The following FHIT variants were observed in gnomAD, a reference collection of about 807,000 sequenced individuals.
FHIT encodes fragile histidine triad diadenosine triphosphatase, also known as bis(5'-adenosyl)-triphosphatase.
FHIT carries 19 observed loss-of-function variants against 17.9 expected under a neutral mutation model. The ratio of observed to expected loss-of-function variants is 1.06; its 90% confidence interval spans 0.74 to 1.56. FHIT has a LOEUF of 1.56. Ranked by LOEUF, FHIT falls within the 40% of genes most tolerant of loss-of-function variation. The pLI, the probability that FHIT is intolerant of heterozygous loss-of-function variation, is 0.00. For synonymous variants in FHIT, 81 were observed against 69.7 expected, an observed-to-expected ratio of 1.16 and a Z score of -0.81; for missense variants, 248 against 189.2, an observed-to-expected ratio of 1.31 and a Z score of -1.82.
intron 5 of FHIT, among the ~76,000 whole-genome samples, chr3:60,029,899 G>GTGTGTGTGTC (rs760392249): frequency 0.36 from 44,547 of 122,118 alleles, 8,245 homozygotes; most frequent in Non-Finnish European, 0.5. Context: ...GTGTGTGTCT[G>GTGTGTGTGTC]TGTGTGTGTG....
At chr3:60,229,485 A>T (rs1704386538) in intron 5 of FHIT, among the ~76,000 whole-genome samples, 2 of 151,980 alleles carry the variant, frequency 1.3e-5, no homozygotes, top group Admixed American at 1.3e-4. Context: ...GCCATTACCC[A>T]AGATGGGAGA....
At position 60,662,078 on chromosome 3, in the gene FHIT, T is replaced by C. The variant is rs572472148; in HGVS notation, c.-17-125099A>G. On this transcript the variant is annotated intron_variant, in intron 4 of 9. Transcript: ENST00000492590. Reference sequence around the variant, plus strand: ...ATTAAGTCCCATCTATTTATCTTTGTTTTTGCTTTTCGTTTCGTAGTCATG... The same window carrying C: ...ATTAAGTCCCATCTATTTATCTTTGCTTTTGCTTTTCGTTTCGTAGTCATG... 2.6e-5 allele frequency among the ~76,000 whole-genome samples: 4 copies of C among 152,148 alleles called. No homozygotes were observed. The South Asian group carries it at 6.2e-4, about 24-fold the overall frequency.
intron 5 of FHIT, among the ~76,000 whole-genome samples, chr3:60,405,392 T>C (rs904580070): frequency 6.6e-6 from 1 of 152,184 alleles, no homozygotes; most frequent in Non-Finnish European, 1.5e-5. Flanking sequence ...CCCAGATACA[T>C]GGGGGACTTT....
intron 8 of FHIT, among the ~76,000 whole-genome samples, chr3:59,858,296 G>A (rs112166883): frequency 0.062 from 8,178 of 131,692 alleles, 308 homozygotes; most frequent in Non-Finnish European, 0.081. Context: ...GAGCGATCTC[G>A]GCTCACTCCA....
intron 5 of FHIT, among the ~76,000 whole-genome samples, chr3:60,373,585 T>A (rs2736823): frequency 0.59 from 89,091 of 151,736 alleles, 26,425 homozygotes; most frequent in East Asian, 0.68. Context: ...TCAGGTTGAG[T>A]GTATAAGCCG....
At chr3:59,845,173 G>GT (rs199877968) in intron 8 of FHIT, among the ~76,000 whole-genome samples, 9 of 151,360 alleles carry the variant, frequency 5.9e-5, no homozygotes, top group African/African-American at 1.7e-4. Flanking sequence ...TAGACTTCTG[G>GT]TTTTTTTTCT....
intron 8 of FHIT, among the ~76,000 whole-genome samples, chr3:59,908,850 T>TTTTTTTTTTTTTTTTTTTTTGAG (rs1553712872): frequency 4.0e-5 from 6 of 150,202 alleles, no homozygotes; most frequent in African/African-American, 7.3e-5. Flanking sequence ...TTTCATTTTT[T>TTTTTTTTTTTTTTTTTTTTTGAG]AATAGTCCAA....
At chr3:59,820,621 T>G (rs1376198932) in intron 8 of FHIT, among the ~76,000 whole-genome samples, 1 of 152,242 alleles carries the variant, frequency 6.6e-6, no homozygotes, top group Non-Finnish European at 1.5e-5. Context: ...GCTGCTTTAG[T>G]GCTAAAGTGG....
rs372596933 is a variant in FHIT at position 60,146,230 on chromosome 3, A to G, written c.104-132078T>C. On this transcript the variant is annotated intron_variant, in intron 5 of 9. Transcript: ENST00000492590. ...GGTCTAGGCAGTGAGGCTGGTAAACATTTAACAATATACTCATTTAAAAAA... is the reference window on the plus strand; with the variant it reads ...GGTCTAGGCAGTGAGGCTGGTAAACGTTTAACAATATACTCATTTAAAAAA... Among the ~76,000 whole-genome samples, 27 of 125,600 alleles carry G rather than the reference A, an allele frequency of 2.1e-4. No homozygotes were observed. In the South Asian group the frequency reaches 6.4e-3, roughly 30 times the overall value. The allele number at this position is 125,600 out of a possible 152,430, so 82.4% of individuals were successfully genotyped here.
chr3:60,143,887 T>A (rs989080458), intron 5 of FHIT, among the ~76,000 whole-genome samples: 1 of 152,086 alleles, frequency 6.6e-6, no homozygotes, highest in Non-Finnish European at 1.5e-5. Flanking sequence ...GGCCTCCAAA[T>A]ACAGGCCATA....
At chr3:60,755,208 A>T (rs887399056) in intron 4 of FHIT, among the ~76,000 whole-genome samples, 3 of 152,200 alleles carry the variant, frequency 2.0e-5, no homozygotes, top group Non-Finnish European at 2.9e-5. Flanking sequence ...AGTGTTTTCC[A>T]GCAGTCAGGA....
At chr3:61,161,097 T>C (rs571624427) in intron 2 of FHIT, among the ~76,000 whole-genome samples, 4 of 151,738 alleles carry the variant, frequency 2.6e-5, no homozygotes, top group Admixed American at 2.6e-4. Flanking sequence ...TGGGATTTTT[T>C]ATTTTTTAAC....
chr3:60,643,099 A>G (rs76851689), intron 4 of FHIT, among the ~76,000 whole-genome samples: 2,767 of 152,282 alleles, frequency 0.018, 89 homozygotes, highest in African/African-American at 0.062. Flanking sequence ...AGGGCCTCAC[A>G]TATAATCTGG....
intron 1 of FHIT, among the ~76,000 whole-genome samples, chr3:61,221,818 C>G (rs371994592): frequency 6.6e-6 from 1 of 152,342 alleles, no homozygotes; most frequent in African/African-American, 2.4e-5. Context: ...CCAACTCTAC[C>G]CACATGTGAC....
intron 5 of FHIT, among the ~76,000 whole-genome samples, chr3:60,482,855 CA>C (rs1229608547): frequency 6.6e-6 from 1 of 150,958 alleles, no homozygotes; most frequent in South Asian, 2.1e-4. Context: ...GATAGAGACA[CA>C]AAAAACCCTC....
At chr3:60,230,212 G>A (rs1231336112) in intron 5 of FHIT, among the ~76,000 whole-genome samples, 1 of 152,174 alleles carries the variant, frequency 6.6e-6, no homozygotes, top group Non-Finnish European at 1.5e-5. Context: ...ATAATGAACA[G>A]ACCAGATAAA....
intron 5 of FHIT, among the ~76,000 whole-genome samples, chr3:60,018,715 C>T (rs9819370): frequency 0.34 from 50,928 of 151,970 alleles, 9,400 homozygotes; most frequent in East Asian, 0.79. Flanking sequence ...CAGTGGCTCA[C>T]GCCTGTAATC....
In FHIT at chr3:60,446,197, G is replaced by A. The variant is rs1195200015; in HGVS notation, c.103+90663C>T. On this transcript the variant is annotated intron_variant, in intron 5 of 9. Coordinates refer to ENST00000492590, the MANE Select transcript of FHIT (RefSeq NM_002012.4). ...CAGAAAAAAATCCAATTCTGATAAT[G>A]CCAATTGGGGCATCATTGAGATTCT... Among the ~76,000 whole-genome samples the A allele has an allele frequency of 4.6e-5, 7 of 152,084 alleles. No homozygotes were observed. In the East Asian group the frequency reaches 1.4e-3, roughly 29 times the overall value.
In FHIT at chr3:60,722,874, C is replaced by T. The variant is rs919767987; in HGVS notation, c.-18+99045G>A. 1.8e-4 allele frequency among the ~76,000 whole-genome samples: 28 copies of T among 152,132 alleles called. No homozygotes were observed. In the East Asian group the frequency reaches 2.1e-3, roughly 12 times the overall value. ...AGTAACTGAGATTACAGGCAGGAGCCGCCACATCCAGCGAATTTTTTGTAG... is the reference window on the plus strand; with the variant it reads ...AGTAACTGAGATTACAGGCAGGAGCTGCCACATCCAGCGAATTTTTTGTAG... On this transcript the variant is annotated intron_variant, in intron 4 of 9. Transcript: ENST00000492590.
Sources: allele counts gnomAD v4.1 joint callset (sites outside exome capture counted in the v4.1 genomes callset), GRCh38; gene constraint gnomAD v4.1.1; transcripts MANE v1.5; gene names NCBI Gene and HGNC (gene_info 2026-07-23, HGNC 2026-07-21).